Variants in BEND7 observed in about 807,000 individuals in gnomAD.
BEND7 encodes BEN domain containing 7, also known as BEN domain-containing protein 7.
Under a neutral mutation model 50.9 loss-of-function variants are expected in BEND7, and 28 were observed. The observed-to-expected ratio is 0.55, with a 90% confidence interval of 0.41 to 0.75. The LOEUF (loss-of-function observed/expected upper bound fraction) is 0.75. Among genes scored for constraint, BEND7 ranks in the 30% least tolerant of loss-of-function variants. The pLI, the probability that BEND7 is intolerant of heterozygous loss-of-function variation, is 0.00. For synonymous variants in BEND7, 170 were observed against 183.9 expected, an observed-to-expected ratio of 0.92 and a Z score of 0.61; for missense variants, 477 against 491.3, an observed-to-expected ratio of 0.97 and a Z score of 0.28.
intron 2 of BEND7, among the ~76,000 whole-genome samples, chr10:13,507,277 C>CAATT (rs1388831644): frequency 6.6e-6 from 1 of 152,172 alleles, no homozygotes; most frequent in African/African-American, 2.4e-5. Context: ...ACCCCTGAGG[C>CAATT]AACTATCCTC....
intron 6 of BEND7, among the ~76,000 whole-genome samples, chr10:13,468,983 A>G (rs2074534091): frequency 6.6e-6 from 1 of 152,228 alleles, no homozygotes; most frequent in Non-Finnish European, 1.5e-5. Context: ...AGGAGACCTG[A>G]ATATCCTATA....
chr10:13,481,201 A>G, intron 5 of BEND7, 77 bp from the exon 6 acceptor site: 1 of 1,335,136 alleles, frequency 7.5e-7, no homozygotes, highest in Non-Finnish European at 1.0e-6. Context: ...CAACAAAAAA[A>G]CATCACTAGC....
chr10:13,452,511 C>T (rs751203497), intron 7 of BEND7, 28 bp downstream of exon 7: 3 of 1,582,042 alleles, frequency 1.9e-6, no homozygotes, highest in East Asian at 2.3e-5. Flanking sequence ...AGTGCTTCTC[C>T]AATTATTTTT....
At chr10:13,511,714 G>C (rs149723759) in intron 2 of BEND7, among the ~76,000 whole-genome samples, 15 of 152,052 alleles carry the variant, frequency 9.9e-5, no homozygotes, top group Non-Finnish European at 1.9e-4. Flanking sequence ...ACCACTTACA[G>C]AGCACTTAGT....
intron 2 of BEND7, among the ~76,000 whole-genome samples, chr10:13,514,457 C>G (rs2078509664): frequency 6.6e-6 from 1 of 152,142 alleles, no homozygotes; most frequent in African/African-American, 2.4e-5. Context: ...AAAGCCTTCC[C>G]CGAGGGACAT....
At chr10:13,497,808 G>T (rs1468058287) in intron 3 of BEND7, among the ~76,000 whole-genome samples, 1 of 152,102 alleles carries the variant, frequency 6.6e-6, no homozygotes, top group Non-Finnish European at 1.5e-5. Flanking sequence ...GGCCAGCAAG[G>T]TAAGTTCCAT....
intron 7 of BEND7, among the ~76,000 whole-genome samples, chr10:13,449,700 T>A (rs1007475548): frequency 6.6e-6 from 1 of 152,216 alleles, no homozygotes; most frequent in African/African-American, 2.4e-5. Flanking sequence ...CTGACCTTCC[T>A]TTTGTAATTC....
At chr10:13,467,010 G>A (rs148417353) in intron 6 of BEND7, among the ~76,000 whole-genome samples, 1 of 152,292 alleles carries the variant, frequency 6.6e-6, no homozygotes, top group African/African-American at 2.4e-5. Flanking sequence ...GGCGGGTGCG[G>A]GGCAGGGGTC....
intron 4 of BEND7, among the ~76,000 whole-genome samples, chr10:13,495,097 G>A (rs1442509381): frequency 6.6e-6 from 1 of 152,206 alleles, no homozygotes; most frequent in Non-Finnish European, 1.5e-5. Flanking sequence ...GCAATTTGTA[G>A]TTTGCCATTT....
At chr10:13,475,817 G>C (rs73588738) in intron 6 of BEND7, among the ~76,000 whole-genome samples, 1 of 152,156 alleles carries the variant, frequency 6.6e-6, no homozygotes, top group Non-Finnish European at 1.5e-5. Flanking sequence ...TGGCTTTGGA[G>C]TCAGACAGGC....
chr10:13,493,111 G>A (rs997240080), intron 4 of BEND7, among the ~76,000 whole-genome samples: 4 of 152,224 alleles, frequency 2.6e-5, no homozygotes, highest in South Asian at 4.1e-4. Flanking sequence ...CAGGTGAATC[G>A]TGACAGCATA....
chr10:13,504,507 A>G (rs1420581390), intron 2 of BEND7, among the ~76,000 whole-genome samples: 2 of 152,230 alleles, frequency 1.3e-5, no homozygotes, highest in African/African-American at 4.8e-5. Flanking sequence ...TTTGATAAAA[A>G]AAAAAATTGG....
At chr10:13,471,355 A>G (rs1233870118) in intron 6 of BEND7, among the ~76,000 whole-genome samples, 2 of 152,248 alleles carry the variant, frequency 1.3e-5, no homozygotes, top group African/African-American at 4.8e-5. Context: ...TTAATCCAGT[A>G]TCTGAAAAGC....
intron 2 of BEND7, among the ~76,000 whole-genome samples, chr10:13,510,464 G>A (rs1030056681): frequency 2.6e-5 from 4 of 152,048 alleles, no homozygotes; most frequent in Non-Finnish European, 4.4e-5. Flanking sequence ...TATTCACTAC[G>A]GCATCATTTT....
downstream of BEND7, chr10:13,439,261 T>C: frequency 6.2e-7 from 1 of 1,614,202 alleles, no homozygotes; most frequent in Non-Finnish European, 8.5e-7. Context: ...TGATGAAGTG[T>C]AGCTGAGACC....
At chr10:13,451,701 C>T (rs961870199) in intron 7 of BEND7, among the ~76,000 whole-genome samples, 4 of 151,582 alleles carry the variant, frequency 2.6e-5, no homozygotes, top group Non-Finnish European at 2.9e-5. Context: ...TGTTGGTGTG[C>T]TGCACCCATT....
At chr10:13,490,611 G>A (rs2076583461) in intron 5 of BEND7, among the ~76,000 whole-genome samples, 1 of 152,166 alleles carries the variant, frequency 6.6e-6, no homozygotes, top group South Asian at 2.1e-4. Flanking sequence ...TGCTGTTCTA[G>A]CTACGGTTCT....
intron 5 of BEND7, among the ~76,000 whole-genome samples, chr10:13,491,789 A>G (rs942996301): frequency 1.3e-5 from 2 of 152,116 alleles, no homozygotes; most frequent in South Asian, 4.1e-4. Context: ...GGTATGGCCA[A>G]CCTCCAATCC....
chr10:13,481,352 A>G (rs1311756359), intron 5 of BEND7, among the ~76,000 whole-genome samples: 1 of 152,242 alleles, frequency 6.6e-6, no homozygotes, highest in Non-Finnish European at 1.5e-5. Context: ...TGTCAAAAGC[A>G]ATGGAAAGAA....
Sources: gnomAD v4.1 joint callset for allele counts (sites outside exome capture counted in the v4.1 genomes callset) on GRCh38, gnomAD v4.1.1 for gene constraint, MANE v1.5 for transcripts, NCBI Gene and HGNC (gene_info 2026-07-23, HGNC 2026-07-21) for gene names.